The following GALNT13 variants were observed in gnomAD, a reference collection of about 807,000 sequenced individuals.
GALNT13 encodes the protein UDP-GalNAc:polypeptide N-acetylgalactosaminyltransferase 13.
GALNT13 carries 28 observed loss-of-function variants against 64.2 expected under a neutral mutation model. The observed-to-expected ratio is 0.44, with a 90% confidence interval of 0.32 to 0.60. The LOEUF (loss-of-function observed/expected upper bound fraction) is 0.60. Among genes scored for constraint, GALNT13 ranks in the 20% least tolerant of loss-of-function variants. GALNT13 has a pLI of 0.05. For synonymous variants in GALNT13, 214 were observed against 224.6 expected (o/e 0.95, Z 0.42); for missense variants, 577 against 669.8 (o/e 0.86, Z 1.53).
intron 9 of GALNT13, among the ~76,000 whole-genome samples, chr2:154,371,831 A>G (rs561029114): frequency 2.6e-5 from 4 of 151,172 alleles, no homozygotes; most frequent in Non-Finnish European, 5.9e-5. Flanking sequence ...AGTCATGATC[A>G]GGAGGTAAGT....
At chr2:154,427,909 C>T (rs904951119) in intron 11 of GALNT13, among the ~76,000 whole-genome samples, 1 of 152,122 alleles carries the variant, frequency 6.6e-6, no homozygotes, top group African/African-American at 2.4e-5. Flanking sequence ...ATGCTGACTT[C>T]AGGATGGTGT....
intron 9 of GALNT13, among the ~76,000 whole-genome samples, chr2:154,337,899 T>C (rs1695546262): frequency 6.6e-6 from 1 of 152,020 alleles, no homozygotes; most frequent in Non-Finnish European, 1.5e-5. Context: ...AGTAAAGCTT[T>C]GGGGAACTGG....
chr2:153,716,813 T>C, the GALNT13 span, among the ~76,000 whole-genome samples: 1 of 152,090 alleles, frequency 6.6e-6, no homozygotes, highest in African/African-American at 2.4e-5. Context: ...AACTAAAAAA[T>C]AAACAGCTTT....
At chr2:154,304,474 A>G (rs2105105952) in intron 9 of GALNT13, among the ~76,000 whole-genome samples, 1 of 152,346 alleles carries the variant, frequency 6.6e-6, no homozygotes, top group Middle Eastern at 3.4e-3. Flanking sequence ...ATTGCATGCA[A>G]TGTACATTCA....
At chr2:153,151,107 A>G in the GALNT13 span, among the ~76,000 whole-genome samples, 1 of 152,062 alleles carries the variant, frequency 6.6e-6, no homozygotes, top group Non-Finnish European at 1.5e-5. Flanking sequence ...AGAGCATGGA[A>G]TGTTCTTCCA....
the GALNT13 span, among the ~76,000 whole-genome samples, chr2:153,299,913 A>C: frequency 1.0e-3 from 156 of 152,212 alleles, no homozygotes; most frequent in African/African-American, 3.6e-3. Flanking sequence ...ATTTCACAAG[A>C]TTTGCATTGC....
At chr2:154,357,128 G>A (rs933107218) in intron 9 of GALNT13, among the ~76,000 whole-genome samples, 2 of 151,808 alleles carry the variant, frequency 1.3e-5, no homozygotes, top group African/African-American at 2.4e-5. Flanking sequence ...TAGTTTTGGG[G>A]ACGTACATTT....
chr2:154,240,221 C>T (rs1478478793), intron 4 of GALNT13, among the ~76,000 whole-genome samples: 3 of 152,256 alleles, frequency 2.0e-5, no homozygotes, highest in East Asian at 3.9e-4. Context: ...AATTTGGGAT[C>T]ACCACCTACA....
chr2:154,394,065 G>A (rs1490926170), intron 9 of GALNT13, among the ~76,000 whole-genome samples: 5 of 78,218 alleles, frequency 6.4e-5, no homozygotes, highest in African/African-American at 1.0e-4. Context: ...GCGACAGAGC[G>A]AGACTCCGTC....
At chr2:153,294,511 A>C in the GALNT13 span, among the ~76,000 whole-genome samples, 1 of 152,190 alleles carries the variant, frequency 6.6e-6, no homozygotes, top group Non-Finnish European at 1.5e-5. Flanking sequence ...TGAATTTTGC[A>C]TCAGCTTAGC....
chr2:153,729,814 G>A, the GALNT13 span, among the ~76,000 whole-genome samples: 1,295 of 151,982 alleles, frequency 8.5e-3, 24 homozygotes, highest in African/African-American at 0.029. Context: ...AAAATCAGTA[G>A]CAATTGTATA....
chr2:154,064,177 G>A (rs1700339641), intron 3 of GALNT13, among the ~76,000 whole-genome samples: 1 of 152,164 alleles, frequency 6.6e-6, no homozygotes, highest in African/African-American at 2.4e-5. Flanking sequence ...GATGGAAGGA[G>A]CATGTACACC....
At chr2:153,352,075 A>G in the GALNT13 span, among the ~76,000 whole-genome samples, 1 of 152,168 alleles carries the variant, frequency 6.6e-6, no homozygotes, top group South Asian at 2.1e-4. Flanking sequence ...CATTCCTACC[A>G]GCAAAGAATG....
At chr2:153,496,316 C>A in the GALNT13 span, among the ~76,000 whole-genome samples, 1 of 152,144 alleles carries the variant, frequency 6.6e-6, no homozygotes, top group Admixed American at 6.5e-5. Context: ...GAGATAAATA[C>A]TTAACTCTTA....
chr2:154,119,951 G>A (rs1315401384), intron 3 of GALNT13, among the ~76,000 whole-genome samples: 1 of 151,992 alleles, frequency 6.6e-6, no homozygotes, highest in African/African-American at 2.4e-5. Context: ...ATTTACTATT[G>A]TAGCTTTATT....
At chr2:153,674,827 C>A in the GALNT13 span, among the ~76,000 whole-genome samples, 1 of 152,030 alleles carries the variant, frequency 6.6e-6, no homozygotes, top group Non-Finnish European at 1.5e-5. Flanking sequence ...TATCCATAAT[C>A]TACAAAAAAC....
chr2:154,149,620 TTCTCCTTGAAGA>T (rs1683852900), intron 4 of GALNT13, among the ~76,000 whole-genome samples: 2 of 152,200 alleles, frequency 1.3e-5, no homozygotes, highest in Non-Finnish European at 1.5e-5. Flanking sequence ...TGGTTTATGG[TTCTCCTTGAAGA>T]GGTCCTTCAC....
chr2:153,077,435 G>C, the GALNT13 span, among the ~76,000 whole-genome samples: 3 of 151,824 alleles, frequency 2.0e-5, no homozygotes, highest in East Asian at 5.9e-4. Context: ...CTAGTGCTCT[G>C]ATAACGAAGT....
At chr2:154,284,378 G>T (rs1048377042) in intron 8 of GALNT13, among the ~76,000 whole-genome samples, 6 of 151,942 alleles carry the variant, frequency 3.9e-5, no homozygotes, top group African/African-American at 1.2e-4. Flanking sequence ...TTCTGTGCCT[G>T]GCTTATTTCA....
Sources: allele counts gnomAD v4.1 joint callset (sites outside exome capture counted in the v4.1 genomes callset), GRCh38; gene constraint gnomAD v4.1.1; transcripts MANE v1.5; gene names NCBI Gene and HGNC (gene_info 2026-07-23, HGNC 2026-07-21).